The following CRHR1 variants were observed in gnomAD, a reference collection of about 807,000 sequenced individuals.
CRHR1 encodes corticotropin-releasing hormone receptor 1.
CRHR1 carries 28 observed loss-of-function variants against 56.0 expected under a neutral mutation model. The ratio of observed to expected loss-of-function variants is 0.50; its 90% CI spans 0.37 to 0.69. CRHR1 has a LOEUF of 0.69. CRHR1 is among the 30% of genes least tolerant of loss of function. The pLI is 0.00. For missense variants in CRHR1, 376 were observed against 548.0 expected (o/e 0.69, Z 3.13); for synonymous variants, 195 against 216.5 (o/e 0.90, Z 0.87).
chr17:45,803,320 C>G (rs1382342846), intron 1 of CRHR1, among the ~76,000 whole-genome samples: 2 of 152,180 alleles, frequency 1.3e-5, no homozygotes, highest in Non-Finnish European at 2.9e-5. Flanking sequence ...AGTGGAATGT[C>G]AGGCAATGGG....
chr17:45,790,254 G>A (rs2061403643), intron 1 of CRHR1, among the ~76,000 whole-genome samples: 1 of 152,218 alleles, frequency 6.6e-6, no homozygotes, highest in Admixed American at 6.5e-5. Context: ...ACTCACTGAT[G>A]CAAACAATCA....
At chr17:45,822,458 C>T (rs1221982352) in intron 4 of CRHR1, among the ~76,000 whole-genome samples, 2 of 152,224 alleles carry the variant, frequency 1.3e-5, no homozygotes, top group African/African-American at 4.8e-5. Flanking sequence ...AGGGGGGACA[C>T]CCCAGGCTGT....
At chr17:45,807,466 CCA>C (rs2061741360) in intron 2 of CRHR1, among the ~76,000 whole-genome samples, 1 of 152,224 alleles carries the variant, frequency 6.6e-6, no homozygotes, top group East Asian at 1.9e-4. Context: ...GGAAAGGCTG[CCA>C]CAGTCTGTGG....
At chr17:45,821,317 G>T (rs1398442989) in intron 3 of CRHR1, 38 bp from the exon 4 acceptor site, 1 of 1,588,838 alleles carries the variant, frequency 6.3e-7, no homozygotes, top group Non-Finnish European at 8.6e-7. Flanking sequence ...AGGGGCCGGG[G>T]CTGCCCCGCC....
Position 45,834,878 on chromosome 17 carries a change from A to C in CRHR1, c.*114A>C. 3 of 1,425,444 alleles carry C rather than the reference A, an allele frequency of 2.1e-6. No individual in the cohort carries two copies. The highest frequency in any genetic ancestry group is 2.8e-5 in the African/African-American group (2 of 71,310). The allele number at this position is 1,425,444 out of a possible 1,614,324, so 88.3% of individuals were successfully genotyped here. On this transcript the variant is annotated 3_prime_UTR_variant, in exon 13 of 13. Coordinates refer to ENST00000314537, the MANE Select transcript of CRHR1 (RefSeq NM_004382.5). ...TGTTAGGTCTCATGCCCACTCCCCCAGGAGCAGCTGGCACTGACAGCCTGG... is the reference window on the plus strand; with the variant it reads ...TGTTAGGTCTCATGCCCACTCCCCCCGGAGCAGCTGGCACTGACAGCCTGG...
intron 4 of CRHR1, among the ~76,000 whole-genome samples, chr17:45,825,168 C>G (rs145565744): frequency 2.0e-5 from 3 of 152,228 alleles, no homozygotes; most frequent in Non-Finnish European, 2.9e-5. Flanking sequence ...CCTGGGGTAT[C>G]GCAGATAATG....
chr17:45,804,414 C>G (rs563454282), intron 1 of CRHR1, among the ~76,000 whole-genome samples: 7 of 152,106 alleles, frequency 4.6e-5, no homozygotes, highest in Admixed American at 6.5e-5. Flanking sequence ...TAGTGGGGAC[C>G]AGGCTCTGAC....
intron 4 of CRHR1, among the ~76,000 whole-genome samples, chr17:45,823,369 A>G (rs1178351978): frequency 7.0e-6 from 1 of 143,354 alleles, no homozygotes; most frequent in Non-Finnish European, 1.5e-5. Flanking sequence ...AAGGGGAATG[A>G]TTCACACAAG....
At chr17:45,806,163 G>A (rs2061715139) in intron 1 of CRHR1, among the ~76,000 whole-genome samples, 1 of 152,230 alleles carries the variant, frequency 6.6e-6, no homozygotes, top group African/African-American at 2.4e-5. Context: ...GTCGGGAGGG[G>A]GGTAATGCGA....
At chr17:45,823,408 T>A (rs1475442837) in intron 4 of CRHR1, among the ~76,000 whole-genome samples, 1 of 141,106 alleles carries the variant, frequency 7.1e-6, no homozygotes. Context: ...ATTCCCTTTT[T>A]TTTTTTTTTT....
intron 1 of CRHR1, among the ~76,000 whole-genome samples, chr17:45,790,206 AAAAGT>A (rs1411674598): frequency 6.6e-6 from 1 of 152,238 alleles, no homozygotes; most frequent in Non-Finnish European, 1.5e-5. Context: ...ACCTGACAGT[AAAAGT>A]AGATATGTAG....
At chr17:45,805,967 C>T (rs1272283159) in intron 1 of CRHR1, among the ~76,000 whole-genome samples, 2 of 152,236 alleles carry the variant, frequency 1.3e-5, no homozygotes, top group African/African-American at 2.4e-5. Context: ...CCTGCCCCTA[C>T]AGAGCATGCA....
At chr17:45,831,968 G>T (rs1049654576) in intron 8 of CRHR1, among the ~76,000 whole-genome samples, 5 of 152,178 alleles carry the variant, frequency 3.3e-5, no homozygotes, top group Admixed American at 6.5e-5. Context: ...ACTCAGGCTG[G>T]CTGAGGCCTT....
intron 1 of CRHR1, among the ~76,000 whole-genome samples, chr17:45,791,850 TCTCACACACACA>T (rs1483407507): frequency 6.2e-5 from 7 of 112,154 alleles, no homozygotes; most frequent in African/African-American, 2.2e-4. Flanking sequence ...TCTCTCTCTC[TCTCACACACACA>T]CACACACACA....
intron 1 of CRHR1, chr17:45,800,676 A>C (rs1353254358): frequency 3.3e-5 from 5 of 152,402 alleles, no homozygotes; most frequent in South Asian, 2.1e-4. Context: ...GCTCAGCAGA[A>C]GGGCGAGGGA....
intron 2 of CRHR1, among the ~76,000 whole-genome samples, chr17:45,812,725 T>C (rs1472819489): frequency 1.3e-5 from 2 of 152,104 alleles, no homozygotes; most frequent in African/African-American, 4.8e-5. Context: ...CGCCTGCCTC[T>C]CTCTATTTCT....
chr17:45,817,000 C>A (rs1379268431), intron 3 of CRHR1, among the ~76,000 whole-genome samples: 1 of 152,196 alleles, frequency 6.6e-6, no homozygotes, highest in Non-Finnish European at 1.5e-5. Flanking sequence ...GGATAAGAAC[C>A]TTGAGTCGAG....
At chr17:45,812,698 T>G (rs754922487) in intron 2 of CRHR1, among the ~76,000 whole-genome samples, 6 of 152,276 alleles carry the variant, frequency 3.9e-5, no homozygotes, top group Non-Finnish European at 5.9e-5. Flanking sequence ...TCTCTCTGCC[T>G]CCTTCTCCTG....
chr17:45,831,839 C>T (rs2062317531), intron 8 of CRHR1, among the ~76,000 whole-genome samples: 1 of 152,200 alleles, frequency 6.6e-6, no homozygotes, highest in Admixed American at 6.5e-5. Context: ...ACCACAGTGA[C>T]AAGCCCTCTC....
Sources: gnomAD v4.1 joint callset for allele counts (sites outside exome capture counted in the v4.1 genomes callset) on GRCh38, gnomAD v4.1.1 for gene constraint, MANE v1.5 for transcripts, NCBI Gene and HGNC (gene_info 2026-07-23, HGNC 2026-07-21) for gene names.